The following SRR variants were observed in gnomAD, a reference collection of about 807,000 sequenced individuals.
SRR encodes the protein serine racemase, also known as D-serine ammonia-lyase.
In SRR, 19 loss-of-function variants were observed where a neutral mutation model predicts 32.7. That is an observed-to-expected ratio of 0.58 (90% confidence interval 0.40 to 0.85). The LOEUF (loss-of-function observed/expected upper bound fraction) is 0.85. SRR is among the 40% of genes least tolerant of loss of function. SRR has a pLI of 0.00. For missense variants in SRR, 373 were observed against 404.7 expected, an observed-to-expected ratio of 0.92 and a Z score of 0.67; for synonymous variants, 142 against 140.9, an observed-to-expected ratio of 1.01 and a Z score of -0.06.
chr17:2,323,108 T>G, intron 6 of SRR, 28 bp from the exon 7 acceptor site: 1 of 1,608,726 alleles, frequency 6.2e-7, no homozygotes, highest in Non-Finnish European at 8.5e-7. Context: ...GGTTTGTTGT[T>G]AAGATGTCTT....
At chr17:2,306,849 G>C (rs1332983695) in intron 1 of SRR, 5 of 823,376 alleles carry the variant, frequency 6.1e-6, no homozygotes, top group East Asian at 2.4e-5. Flanking sequence ...ATGAGAGCCT[G>C]AGGAGCCATT....
chr17:2,322,421 T>C (rs2075537542), intron 6 of SRR: 1 of 152,272 alleles, frequency 6.6e-6, no homozygotes, highest in Non-Finnish European at 1.5e-5. Context: ...AATTTATTTA[T>C]AAAGTGCTTG....
intron 1 of SRR, among the ~76,000 whole-genome samples, chr17:2,314,644 T>G (rs1035508525): frequency 5.4e-5 from 8 of 149,474 alleles, no homozygotes; most frequent in African/African-American, 9.9e-5. Context: ...TCTCAGCTAC[T>G]CGGGAGGCTG....
chr17:2,323,605 A>G (rs779612067), intron 7 of SRR, 50 bp from the exon 8 acceptor site: 4 of 1,587,214 alleles, frequency 2.5e-6, no homozygotes, highest in Non-Finnish European at 2.6e-6. Flanking sequence ...TTATAGGTAA[A>G]CCAACTAGAC....
At chr17:2,305,776 T>C (rs1441490112) in intron 1 of SRR, among the ~76,000 whole-genome samples, 1 of 152,112 alleles carries the variant, frequency 6.6e-6, no homozygotes, top group Non-Finnish European at 1.5e-5. Context: ...CTTGGCTCAC[T>C]GCAACCTGCC....
At position 2,315,738 on chromosome 17, in the gene SRR, C is replaced by G; in HGVS notation, c.168+10C>G. On this transcript the variant is annotated intron_variant, in intron 2 of 7. Transcript: ENST00000344595. ...AACAGGATCTTTTAAGGTAACAATC[C>G]TTTTTCTCAGTGTATCATGTATGTT... The G allele has an allele frequency of 1.2e-6, 2 of 1,611,736 alleles. No homozygotes were observed.
At position 2,324,440 on chromosome 17, in the gene SRR, C is replaced by T; in HGVS notation, c.*567C>T. 1 of 1,611,740 alleles carries T rather than the reference C, an allele frequency of 6.2e-7. No homozygotes were observed. Among genetic ancestry groups the T allele is most frequent in the Non-Finnish European group, 8.5e-7 (1 of 1,178,888 alleles). ...AAAATTTTAAAGCAATGACTTCCAACCCAACAGTCATTTAGCAACACTGCA... is the reference window on the plus strand; with the variant it reads ...AAAATTTTAAAGCAATGACTTCCAATCCAACAGTCATTTAGCAACACTGCA... On this transcript the variant is annotated 3_prime_UTR_variant, in exon 8 of 8. Transcript: ENST00000344595.
At chr17:2,320,563 CTTT>C (rs754086498) in intron 4 of SRR, among the ~76,000 whole-genome samples, 44 of 149,776 alleles carry the variant, frequency 2.9e-4, no homozygotes, top group African/African-American at 1.0e-3. Context: ...CCCTCATCTT[CTTT>C]TTATTTATTT....
chr17:2,323,540 CGT>C, intron 7 of SRR, 113 bp from the exon 8 acceptor site: 1 of 1,221,592 alleles, frequency 8.2e-7, no homozygotes. Context: ...CTTTGGGAAG[CGT>C]GTGTACACAG....
chr17:2,306,685 C>T, intron 1 of SRR: 1 of 471,268 alleles, frequency 2.1e-6, no homozygotes, highest in South Asian at 2.2e-5. Flanking sequence ...CCACTGCACT[C>T]CAGCCTGGGT....
chr17:2,319,884 T>C (rs1026952598), intron 4 of SRR, among the ~76,000 whole-genome samples: 6 of 149,098 alleles, frequency 4.0e-5, no homozygotes, highest in Non-Finnish European at 5.9e-5. Flanking sequence ...AGTGGTGCCA[T>C]CTTGGCTCAC....
At chr17:2,306,149 T>C (rs1361064674) in intron 1 of SRR, among the ~76,000 whole-genome samples, 3 of 150,846 alleles carry the variant, frequency 2.0e-5, no homozygotes, top group African/African-American at 7.3e-5. Context: ...ACCCCATCTC[T>C]ACTAAAATAC....
At chr17:2,303,663 C>T (rs1198318780), upstream of SRR, 1 of 1,493,092 alleles carries the variant, frequency 6.7e-7, no homozygotes, top group Non-Finnish European at 8.9e-7. Flanking sequence ...GCCAGAGTAG[C>T]CAGGATCCCG....
At position 2,324,538 on chromosome 17, in the gene SRR, C is replaced by A; in HGVS notation, c.*665C>A. 6.2e-7 allele frequency: 1 copy of A among 1,614,222 alleles called. No homozygotes were observed. The highest frequency in any genetic ancestry group is 1.1e-5 in the South Asian group (1 of 91,086). ...CCTTGATATGTCCTCTCCGGCCCCACTTCGTTCTCAGTTCCACTGGTTTAA... is the reference window on the plus strand; with the variant it reads ...CCTTGATATGTCCTCTCCGGCCCCAATTCGTTCTCAGTTCCACTGGTTTAA... On this transcript the variant is annotated 3_prime_UTR_variant, in exon 8 of 8. Transcript: ENST00000344595.
At chr17:2,303,790 G>A (rs902968734), upstream of SRR, 17 of 1,314,562 alleles carry the variant, frequency 1.3e-5, no homozygotes, top group African/African-American at 6.2e-5. Flanking sequence ...CACCACAGAC[G>A]GGCGGCGCGC....
intron 1 of SRR, among the ~76,000 whole-genome samples, chr17:2,310,203 T>C (rs1404799184): frequency 1.3e-5 from 2 of 152,186 alleles, no homozygotes; most frequent in African/African-American, 4.8e-5. Flanking sequence ...ACCTCCAAAA[T>C]ATATCTTATT....
At chr17:2,317,690 G>A (rs2075488029) in intron 2 of SRR, among the ~76,000 whole-genome samples, 180 bp from the exon 3 acceptor site, 1 of 151,860 alleles carries the variant, frequency 6.6e-6, no homozygotes. Flanking sequence ...CCGGGATAAC[G>A]GAGACTCCAT....
In SRR at chr17:2,324,188, T is replaced by G; in HGVS notation, c.*315T>G. On this transcript the variant is annotated 3_prime_UTR_variant, in exon 8 of 8. Transcript: ENST00000344595. ...TGGCACCGGTAAGACAGAATCTCTT[T>G]GAATCCATTACTCCATGCCCCCTTG... The G allele has an allele frequency of 6.6e-7, 1 of 1,516,576 alleles. No homozygotes were observed. Among genetic ancestry groups the G allele is most frequent in the South Asian group, 1.4e-5 (1 of 72,532 alleles). 93.9% of individuals were successfully genotyped at this position (1,516,576 alleles called of 1,614,324 possible).
intron 1 of SRR, chr17:2,306,782 A>C: frequency 1.5e-6 from 1 of 688,646 alleles, no homozygotes; most frequent in South Asian, 1.5e-5. Context: ...GAGTCTCCTA[A>C]AGAGCTCGTA....
Sources: allele counts gnomAD v4.1 joint callset (sites outside exome capture counted in the v4.1 genomes callset), GRCh38; gene constraint gnomAD v4.1.1; transcripts MANE v1.5; gene names NCBI Gene and HGNC (gene_info 2026-07-23, HGNC 2026-07-21).